GRM1: variants seen among roughly 807,000 people sequenced by gnomAD.
The protein encoded by GRM1 is glutamate metabotropic receptor 1, also known as metabotropic glutamate receptor 1.
A neutral mutation model predicts 90.9 loss-of-function variants in GRM1; 33 were observed. The ratio of observed to expected loss-of-function variants is 0.36; its 90% CI spans 0.28 to 0.49. GRM1 has a LOEUF of 0.49. GRM1 is among the 20% of genes least tolerant of loss of function. GRM1 has a pLI of 0.99. For missense variants in GRM1, 1,190 were observed against 1,534.3 expected (o/e 0.78, Z 3.75); for synonymous variants, 700 against 613.2 (o/e 1.14, Z -2.09).
chr6:146,368,268 G>T (rs569980965), intron 5 of GRM1, among the ~76,000 whole-genome samples: 5 of 132,546 alleles, frequency 3.8e-5, no homozygotes, highest in East Asian at 2.5e-4. Flanking sequence ...TTTGGGGGGG[G>T]GGGTAGAATC....
intron 2 of GRM1, among the ~76,000 whole-genome samples, chr6:146,175,232 G>A (rs1204792888): frequency 1.3e-5 from 2 of 152,158 alleles, no homozygotes; most frequent in Non-Finnish European, 1.5e-5. Context: ...CACTTTTTCT[G>A]ATTAAATATG....
intron 2 of GRM1, among the ~76,000 whole-genome samples, chr6:146,253,107 T>C (rs1320926170): frequency 6.6e-6 from 1 of 152,080 alleles, no homozygotes; most frequent in Non-Finnish European, 1.5e-5. Flanking sequence ...AATATTAGAA[T>C]TTATTATTTA....
At chr6:146,414,345 A>G (rs1777684342) in intron 7 of GRM1, among the ~76,000 whole-genome samples, 2 of 148,886 alleles carry the variant, frequency 1.3e-5, no homozygotes, top group Admixed American at 1.3e-4. Flanking sequence ...TATCTATCCA[A>G]ATTCTTTCTT....
intron 1 of GRM1, among the ~76,000 whole-genome samples, chr6:146,037,069 G>A (rs1790917736): frequency 6.6e-6 from 1 of 151,874 alleles, no homozygotes; most frequent in Non-Finnish European, 1.5e-5. Context: ...GCACATCTCA[G>A]TTTCATTTGT....
chr6:146,162,822 A>G (rs990035793), intron 2 of GRM1, among the ~76,000 whole-genome samples: 1 of 131,856 alleles, frequency 7.6e-6, no homozygotes, highest in African/African-American at 4.2e-5. Flanking sequence ...ATGAAAAAAC[A>G]AAACAAAACA....
At chr6:146,413,636 A>G (rs79604723) in intron 7 of GRM1, among the ~76,000 whole-genome samples, 1,941 of 152,314 alleles carry the variant, frequency 0.013, 47 homozygotes, top group African/African-American at 0.045. Flanking sequence ...TATTCTACAA[A>G]TGTGTAATAC....
chr6:146,188,298 A>G (rs1778809961), intron 2 of GRM1, among the ~76,000 whole-genome samples: 1 of 152,076 alleles, frequency 6.6e-6, no homozygotes, highest in African/African-American at 2.4e-5. Flanking sequence ...TGTTAATATG[A>G]GTTCAAGACA....
intron 1 of GRM1, among the ~76,000 whole-genome samples, chr6:146,041,644 C>A (rs943944073): frequency 1.3e-5 from 2 of 151,938 alleles, no homozygotes; most frequent in African/African-American, 2.4e-5. Flanking sequence ...TGCTGCTGAA[C>A]CTCCTCTCTG....
chr6:146,184,159 G>T (rs1416476862), intron 2 of GRM1, among the ~76,000 whole-genome samples: 1 of 152,134 alleles, frequency 6.6e-6, no homozygotes, highest in Admixed American at 6.6e-5. Context: ...CTTGGGTCCA[G>T]CCTGGGCACT....
chr6:146,150,132 G>A (rs769638392), intron 1 of GRM1, among the ~76,000 whole-genome samples: 3 of 152,108 alleles, frequency 2.0e-5, no homozygotes, highest in Non-Finnish European at 1.5e-5. Context: ...GAAAGTAATA[G>A]GGGTTGTTTC....
chr6:146,125,277 A>G (rs559606998), intron 1 of GRM1, among the ~76,000 whole-genome samples: 1 of 152,196 alleles, frequency 6.6e-6, no homozygotes, highest in African/African-American at 2.4e-5. Context: ...AATTAAACAT[A>G]CACAGGAAAC....
At chr6:146,077,786 A>T (rs865936650) in intron 1 of GRM1, among the ~76,000 whole-genome samples, 3 of 152,118 alleles carry the variant, frequency 2.0e-5, no homozygotes, top group Non-Finnish European at 2.9e-5. Flanking sequence ...GCCCTCATAC[A>T]CCAGGCCCTG....
chr6:146,148,345 T>C (rs141735885), intron 1 of GRM1, among the ~76,000 whole-genome samples: 2,633 of 152,214 alleles, frequency 0.017, 32 homozygotes, highest in Middle Eastern at 0.031. Flanking sequence ...ATTGTTAACA[T>C]TTTTATACTT....
At chr6:146,249,997 T>C (rs1217709530) in intron 2 of GRM1, among the ~76,000 whole-genome samples, 1 of 152,230 alleles carries the variant, frequency 6.6e-6, no homozygotes, top group Non-Finnish European at 1.5e-5. Flanking sequence ...GTTTCAGACT[T>C]GCTTGGAGCC....
intron 1 of GRM1, among the ~76,000 whole-genome samples, chr6:146,064,568 C>T (rs769850650): frequency 5.9e-5 from 9 of 151,882 alleles, no homozygotes; most frequent in Non-Finnish European, 1.3e-4. Context: ...TCCTGATTAT[C>T]AGTATATAGT....
At chr6:146,030,273 G>A in intron 1 of GRM1, 56 bp downstream of exon 1, 1 of 1,143,810 alleles carries the variant, frequency 8.7e-7, no homozygotes. Flanking sequence ...AATGCATGAT[G>A]TGCTCCTGGG....
At chr6:146,244,882 G>A (rs1217931529) in intron 2 of GRM1, among the ~76,000 whole-genome samples, 2 of 152,204 alleles carry the variant, frequency 1.3e-5, no homozygotes, top group Non-Finnish European at 2.9e-5. Context: ...GTGGCCATCA[G>A]CAAACCTTTG....
At chr6:146,200,797 AAG>A (rs1779273565) in intron 2 of GRM1, among the ~76,000 whole-genome samples, 2 of 152,310 alleles carry the variant, frequency 1.3e-5, no homozygotes, top group African/African-American at 2.4e-5. Flanking sequence ...AAATCTGTAA[AAG>A]AGAGGGAAAG....
At chr6:146,137,416 G>C (rs1346144638) in intron 1 of GRM1, among the ~76,000 whole-genome samples, 4 of 152,160 alleles carry the variant, frequency 2.6e-5, no homozygotes, top group African/African-American at 7.2e-5. Context: ...TTATTGAAGA[G>C]ACTGTCCATT....
Sources: allele counts gnomAD v4.1 joint callset (sites outside exome capture counted in the v4.1 genomes callset), GRCh38; gene constraint gnomAD v4.1.1; transcripts MANE v1.5; gene names NCBI Gene and HGNC (gene_info 2026-07-23, HGNC 2026-07-21).